The following PFDN1 variants were observed in gnomAD, a reference collection of about 807,000 sequenced individuals.
The protein encoded by PFDN1 is prefoldin subunit 1, also known as prefoldin 1.
PFDN1 carries 6 observed loss-of-function variants against 17.3 expected under a neutral mutation model. The ratio of observed to expected loss-of-function variants is 0.35; its 90% confidence interval spans 0.19 to 0.69. The LOEUF is 0.69. PFDN1 is among the 30% of genes least tolerant of loss of function. The probability of loss-of-function intolerance (pLI) is 0.65; values close to 1 mark genes in which losing one functional copy is unlikely to be tolerated. For missense variants in PFDN1, 113 were observed against 146.2 expected (o/e 0.77, Z 1.17); for synonymous variants, 58 against 50.1 (o/e 1.16, Z -0.67).
At chr5:140,268,829 A>C (rs1340466350) in intron 3 of PFDN1, among the ~76,000 whole-genome samples, 2 of 152,206 alleles carry the variant, frequency 1.3e-5, no homozygotes, top group Admixed American at 1.3e-4. Flanking sequence ...CTATCTGAAA[A>C]TATATTTCTA....
At chr5:140,252,162 T>C (rs1420982546) in intron 3 of PFDN1, among the ~76,000 whole-genome samples, 1 of 152,016 alleles carries the variant, frequency 6.6e-6, no homozygotes, top group Non-Finnish European at 1.5e-5. Flanking sequence ...CACGACACTT[T>C]CTTCACATGA....
intron 3 of PFDN1, among the ~76,000 whole-genome samples, chr5:140,247,931 A>G (rs1026856701): frequency 6.6e-6 from 1 of 152,032 alleles, no homozygotes; most frequent in African/African-American, 2.4e-5. Context: ...ACTCCAACTC[A>G]TGGTGACCAT....
chr5:140,269,706 G>T (rs1257443657), intron 3 of PFDN1, among the ~76,000 whole-genome samples: 1 of 152,080 alleles, frequency 6.6e-6, no homozygotes, highest in African/African-American at 2.4e-5. Flanking sequence ...ATTTTAAGGG[G>T]GCATTTTTGC....
intron 3 of PFDN1, among the ~76,000 whole-genome samples, chr5:140,264,020 C>A (rs1581085549): frequency 1.8e-5 from 1 of 55,560 alleles, no homozygotes. Context: ...GACTCCATCT[C>A]AAAAAAAAAA....
At position 140,254,288 on chromosome 5, in the gene PFDN1, T is replaced by A. The variant is rs1449132723; in HGVS notation, c.286-8231A>T. Among the ~76,000 whole-genome samples the A allele has an allele frequency of 1.3e-5, 2 of 152,050 alleles. No homozygotes were observed. The highest frequency in any genetic ancestry group is 2.9e-5 in the Non-Finnish European group (2 of 68,000). On this transcript the variant is annotated intron_variant, in intron 3 of 3. Coordinates refer to ENST00000261813, the MANE Select transcript of PFDN1 (RefSeq NM_002622.5). The surrounding 1 kb of genome is among the most constrained non-coding windows in gnomAD (Gnocchi z 4.4). ...TGGGGCTTTAAAGGGTAGGACTGAG[T>A]CCAGCAGTTAGAGATTTTTAACTTT...
chr5:140,248,815 A>C (rs900753056), intron 3 of PFDN1, among the ~76,000 whole-genome samples: 2 of 152,204 alleles, frequency 1.3e-5, no homozygotes, highest in African/African-American at 4.8e-5. Context: ...CAGGTTTCCA[A>C]ACAATGATGC....
chr5:140,271,719 T>C (rs1489787772), intron 3 of PFDN1, among the ~76,000 whole-genome samples: 1 of 151,980 alleles, frequency 6.6e-6, no homozygotes, highest in Non-Finnish European at 1.5e-5. Context: ...AGAATAAAAA[T>C]GGACTGTCTA....
rs564245388 is a variant in PFDN1 at position 140,265,392 on chromosome 5, GCTATACTTTTCC to G, written c.285+16045_285+16056del. The stretch of plus-strand genomic sequence containing the variant: ...GTCCACAAACCCTGTCCCTTCTCCA[GCTATACTTTTCC>G]CTTAGTTGACCCAAGCTAGTTCTAT... On this transcript the variant is annotated intron_variant, in intron 3 of 3. Coordinates refer to ENST00000261813, the MANE Select transcript of PFDN1 (RefSeq NM_002622.5). Among the ~76,000 whole-genome samples, 92 of 152,232 alleles carry G rather than the reference GCTATACTTTTCC, an allele frequency of 6.0e-4. No individual in the cohort carries two copies. In the South Asian group the frequency reaches 0.018, roughly 30 times the overall value.
Position 140,281,451 on chromosome 5 carries a change from C to T in PFDN1, c.283G>A (p.Glu95Lys). ...KIAEEKIKEL[E>K]QKKSYLERSV... ...TCCTATTGCCAATAAAAACTTACTT[C>T]TAGTTCTTTAATTTTTTCTTCTGCT... Residue 95 changes from glutamate (E) to lysine (K), a missense_variant and splice_region_variant, in exon 3 of 4, where the codon GAA becomes AAA. Glu to Lys is a moderately conservative substitution (Grantham distance 56). Coordinates refer to ENST00000261813, the MANE Select transcript of PFDN1 (RefSeq NM_002622.5). 1 of 1,441,652 alleles carries T rather than the reference C, an allele frequency of 6.9e-7. No individual in the cohort carries two copies. The highest frequency in any genetic ancestry group is 9.8e-7 in the Non-Finnish European group (1 of 1,024,524). 89.3% of individuals were successfully genotyped at this position (1,441,652 alleles called of 1,614,324 possible).
chr5:140,278,870 T>G (rs1459771371), intron 3 of PFDN1, among the ~76,000 whole-genome samples: 1 of 152,078 alleles, frequency 6.6e-6, no homozygotes, highest in Non-Finnish European at 1.5e-5. Flanking sequence ...ACCATAAAGT[T>G]GTAGCAGTGG....
chr5:140,259,776 T>C (rs1765037936), intron 3 of PFDN1, among the ~76,000 whole-genome samples: 1 of 152,234 alleles, frequency 6.6e-6, no homozygotes, highest in African/African-American at 2.4e-5. Context: ...CAGGTGTGTG[T>C]GGCTAGAGCC....
At chr5:140,260,087 C>G (rs1431872148) in intron 3 of PFDN1, among the ~76,000 whole-genome samples, 2 of 152,052 alleles carry the variant, frequency 1.3e-5, no homozygotes, top group Non-Finnish European at 2.9e-5. Context: ...CCTGTAATCC[C>G]AGCACTTTGG....
chr5:140,250,557 A>G (rs961146998), intron 3 of PFDN1, among the ~76,000 whole-genome samples: 3 of 152,190 alleles, frequency 2.0e-5, no homozygotes, highest in Non-Finnish European at 4.4e-5. Context: ...CCCTTATGAG[A>G]CGGAAAGGTC....
chr5:140,257,290 C>T (rs1765002685), intron 3 of PFDN1, among the ~76,000 whole-genome samples: 1 of 152,002 alleles, frequency 6.6e-6, no homozygotes, highest in Non-Finnish European at 1.5e-5. Context: ...ACTCTTTAAC[C>T]AAGGTGCTCA....
chr5:140,290,076 G>A (rs1765556628), intron 2 of PFDN1, among the ~76,000 whole-genome samples: 1 of 152,128 alleles, frequency 6.6e-6, no homozygotes, highest in Non-Finnish European at 1.5e-5. Context: ...TGATGACTTT[G>A]GCAGACATTA....
intron 3 of PFDN1, among the ~76,000 whole-genome samples, chr5:140,271,226 T>C (rs1237846002): frequency 1.3e-5 from 2 of 152,174 alleles, no homozygotes; most frequent in Admixed American, 1.3e-4. Context: ...AGAGACTATA[T>C]ATATAGTTCA....
At position 140,253,279 on chromosome 5, in the gene PFDN1, G is replaced by A. The variant is rs139609187; in HGVS notation, c.286-7222C>T. On this transcript the variant is annotated intron_variant, in intron 3 of 3. Coordinates refer to ENST00000261813, the MANE Select transcript of PFDN1 (RefSeq NM_002622.5). ...CCTCCCAGGTGTGCTTTTACCTGCCGACAGACTGACACTGCTACCATATGG... is the reference window on the plus strand; with the variant it reads ...CCTCCCAGGTGTGCTTTTACCTGCCAACAGACTGACACTGCTACCATATGG... Among the ~76,000 whole-genome samples, 818 of 152,194 alleles carry A rather than the reference G, an allele frequency of 5.4e-3. 4 individuals carry two copies. Among genetic ancestry groups the A allele is most frequent in the Non-Finnish European group, 9.1e-3 (616 of 67,998 alleles).
At chr5:140,301,092 T>C (rs1765737688) in intron 1 of PFDN1, among the ~76,000 whole-genome samples, 2 of 152,218 alleles carry the variant, frequency 1.3e-5, no homozygotes, top group African/African-American at 4.8e-5. Context: ...ATCCACAATT[T>C]ACAAATTAAG....
At chr5:140,291,780 G>A (rs1049718356) in intron 2 of PFDN1, among the ~76,000 whole-genome samples, 1 of 152,168 alleles carries the variant, frequency 6.6e-6, no homozygotes, top group Admixed American at 6.5e-5. Context: ...GGACAGTGAG[G>A]TGGGAGGAAT....
Sources: gnomAD v4.1 joint callset for allele counts (sites outside exome capture counted in the v4.1 genomes callset) on GRCh38, gnomAD v4.1.1 for gene constraint, Gnocchi (gnomAD v3.1) non-coding constraint, MANE v1.5 for transcripts, NCBI Gene and HGNC (gene_info 2026-07-23, HGNC 2026-07-21) for gene names.